The following STOX2 variants were observed in gnomAD, a reference collection of about 807,000 sequenced individuals.
STOX2 encodes storkhead box 2, also known as storkhead-box protein 2.
Under a neutral mutation model 60.9 loss-of-function variants are expected in STOX2, and 28 were observed. The ratio of observed to expected loss-of-function variants is 0.46; its 90% CI spans 0.34 to 0.63. The LOEUF (loss-of-function observed/expected upper bound fraction) is 0.63. Among genes scored for constraint, STOX2 ranks in the 30% least tolerant of loss-of-function variants. The pLI is 0.01. For missense variants in STOX2, 1,024 were observed against 1,187.7 expected, an observed-to-expected ratio of 0.86 and a Z score of 2.03; for synonymous variants, 472 against 463.9, an observed-to-expected ratio of 1.02 and a Z score of -0.22.
Position 183,872,955 on chromosome 4 carries a change from G to A in STOX2, c.364+74900G>A, listed in dbSNP as rs1406993572. 3.9e-5 allele frequency among the ~76,000 whole-genome samples: 6 copies of A among 152,224 alleles called. No individual in the cohort carries two copies. In the South Asian group the frequency reaches 6.2e-4, roughly 16 times the overall value. ...CATGGAATCAATGATAAGACAGAAC[G>A]TTTCAGAAAGTCACGTTCTGAAACT... On this transcript the variant is annotated intron_variant, in intron 1 of 2. Coordinates refer to the STOX2 transcript ENST00000513034.
chr4:183,966,435 C>G (rs1283035100), intron 1 of STOX2, among the ~76,000 whole-genome samples: 1 of 152,184 alleles, frequency 6.6e-6, no homozygotes, highest in African/African-American at 2.4e-5. Flanking sequence ...TGGAAAGAAC[C>G]ACAGTGCCCT....
rs1743693310 is a variant in STOX2 at position 183,970,025 on chromosome 4, C to T, written c.167-31300C>T. On this transcript the variant is annotated intron_variant, in intron 1 of 3. Transcript: ENST00000308497. ...AAGTATAAAGGAGCTGATCCATCAG[C>T]CATTCATTCCTGTCTCAATAGAGAC... 2.0e-5 allele frequency among the ~76,000 whole-genome samples: 3 copies of T among 152,248 alleles called. No individual in the cohort carries two copies. In the South Asian group the frequency reaches 6.2e-4, roughly 32 times the overall value.
chr4:183,830,134 T>G (rs1739531628), intron 1 of STOX2, among the ~76,000 whole-genome samples: 1 of 152,166 alleles, frequency 6.6e-6, no homozygotes, highest in African/African-American at 2.4e-5. Flanking sequence ...TAGGGCTATT[T>G]CCAGTGTCTG....
intron 1 of STOX2, among the ~76,000 whole-genome samples, chr4:183,887,654 A>G (rs1026952286): frequency 3.9e-5 from 6 of 152,240 alleles, no homozygotes; most frequent in African/African-American, 1.2e-4. Context: ...GCCTTAGCAG[A>G]GATTTTGGAC....
At chr4:183,888,794 C>G (rs1182597644) in intron 1 of STOX2, among the ~76,000 whole-genome samples, 3 of 152,094 alleles carry the variant, frequency 2.0e-5, no homozygotes, top group Non-Finnish European at 2.9e-5. Flanking sequence ...TTTCCCCACG[C>G]CTTTCCTCCA....
chr4:183,984,318 T>C (rs536673036), intron 1 of STOX2, among the ~76,000 whole-genome samples: 1 of 152,352 alleles, frequency 6.6e-6, no homozygotes, highest in South Asian at 2.1e-4. Context: ...CCGGTTCTTT[T>C]CTTCAAAATT....
At chr4:184,002,990 C>T (rs796680392) in intron 2 of STOX2, among the ~76,000 whole-genome samples, 15 of 152,386 alleles carry the variant, frequency 9.8e-5, no homozygotes, top group African/African-American at 3.4e-4. Flanking sequence ...ATTTTATTAT[C>T]TCTGAATATT....
chr4:183,798,604 G>T, intron 1 of STOX2: 2 of 985,074 alleles, frequency 2.0e-6, no homozygotes, highest in Non-Finnish European at 2.4e-6. Context: ...TCTCAACGAG[G>T]CAAGGCTGCA....
intron 1 of STOX2, among the ~76,000 whole-genome samples, chr4:183,882,408 C>T (rs542739548): frequency 2.8e-3 from 432 of 152,344 alleles, no homozygotes; most frequent in Non-Finnish European, 5.0e-3. Context: ...AACTCCTTCT[C>T]ATTTCCCAGT....
At chr4:183,968,380 A>AC (rs1560910373) in intron 1 of STOX2, among the ~76,000 whole-genome samples, 6 of 151,432 alleles carry the variant, frequency 4.0e-5, no homozygotes, top group African/African-American at 1.2e-4. Context: ...ACACACACAC[A>AC]AAGAAGAGCA....
intron 1 of STOX2, among the ~76,000 whole-genome samples, chr4:183,951,204 G>A (rs1158010411): frequency 2.0e-4 from 28 of 141,848 alleles, no homozygotes; most frequent in Middle Eastern, 3.8e-3. Flanking sequence ...GACAGAGCGA[G>A]ACTCCGTCTC....
chr4:183,816,605 A>G (rs1315588814), intron 1 of STOX2, among the ~76,000 whole-genome samples: 3 of 152,182 alleles, frequency 2.0e-5, no homozygotes, highest in Admixed American at 6.5e-5. Context: ...TACATGATAT[A>G]TCTGTGTAAC....
chr4:183,858,427 T>A (rs1420631620), intron 1 of STOX2, among the ~76,000 whole-genome samples: 2 of 152,220 alleles, frequency 1.3e-5, no homozygotes, highest in African/African-American at 4.8e-5. Flanking sequence ...CAGCTCTGCT[T>A]CCGACTTTCC....
intron 1 of STOX2, among the ~76,000 whole-genome samples, chr4:183,834,673 T>G (rs1739659702): frequency 6.6e-6 from 1 of 152,234 alleles, no homozygotes; most frequent in Non-Finnish European, 1.5e-5. Context: ...GGTCTTACAA[T>G]GATAGTCATA....
In STOX2 at chr4:184,017,346, T is replaced by C; in HGVS notation, c.*62T>C. On this transcript the variant is annotated 3_prime_UTR_variant, in exon 4 of 4. Transcript: ENST00000308497. ...ACAGCAAAGTTTACGACACTGGGACTGATGTTTACATCTTTGGAAAGACAA... is the reference window on the plus strand; with the variant it reads ...ACAGCAAAGTTTACGACACTGGGACCGATGTTTACATCTTTGGAAAGACAA... 1 of 1,397,266 alleles carries C rather than the reference T, an allele frequency of 7.2e-7. No individual in the cohort carries two copies. Among genetic ancestry groups the C allele is most frequent in the Non-Finnish European group, 9.6e-7 (1 of 1,039,446 alleles). 86.6% of individuals were successfully genotyped at this position (1,397,266 alleles called of 1,614,324 possible).
intron 1 of STOX2, among the ~76,000 whole-genome samples, chr4:183,820,744 C>A (rs1739286831): frequency 6.6e-6 from 1 of 152,106 alleles, no homozygotes; most frequent in Admixed American, 6.5e-5. Flanking sequence ...TCAAATCTGG[C>A]TGATCCCCAT....
At chr4:183,853,863 G>C (rs1471115315) in intron 1 of STOX2, 2 of 152,154 alleles carry the variant, frequency 1.3e-5, no homozygotes, top group Non-Finnish European at 2.9e-5. Flanking sequence ...TTGAGCTCTG[G>C]GGTGTGTTGT....
intron 1 of STOX2, among the ~76,000 whole-genome samples, chr4:183,995,983 G>A (rs1178395267): frequency 6.6e-6 from 1 of 152,184 alleles, no homozygotes; most frequent in African/African-American, 2.4e-5. Flanking sequence ...CCAGTCAGCC[G>A]ACAATGACCT....
At chr4:183,860,305 G>A (rs531339317) in intron 1 of STOX2, among the ~76,000 whole-genome samples, 1 of 151,976 alleles carries the variant, frequency 6.6e-6, no homozygotes, top group Non-Finnish European at 1.5e-5. Context: ...GAAGCAATTT[G>A]CCTAAAATGA....
Sources: gnomAD v4.1 joint callset for allele counts (sites outside exome capture counted in the v4.1 genomes callset) on GRCh38, gnomAD v4.1.1 for gene constraint, MANE v1.5 for transcripts, NCBI Gene and HGNC (gene_info 2026-07-23, HGNC 2026-07-21) for gene names.